The following MARCHF1 variants were observed in gnomAD, a reference collection of about 807,000 sequenced individuals.
MARCHF1 encodes the protein E3 ubiquitin-protein ligase MARCHF1.
A neutral mutation model predicts 54.2 loss-of-function variants in MARCHF1; 40 were observed. The ratio of observed to expected loss-of-function variants is 0.74; its 90% CI spans 0.57 to 0.96. The LOEUF is 0.96. MARCHF1 is among the 40% of genes least tolerant of loss of function. The probability of loss-of-function intolerance (pLI) is 0.00; values close to 1 mark genes in which losing one functional copy is unlikely to be tolerated. For synonymous variants in MARCHF1, 236 were observed against 236.3 expected (o/e 1.00, Z 0.01); for missense variants, 586 against 656.5 (o/e 0.89, Z 1.17).
intron 1 of MARCHF1, among the ~76,000 whole-genome samples, chr4:164,289,355 T>A (rs1466287218): frequency 6.6e-6 from 1 of 152,032 alleles, no homozygotes; most frequent in Non-Finnish European, 1.5e-5. Flanking sequence ...ATTCCGTGAT[T>A]TTATAGATGG....
At chr4:164,261,206 C>T (rs1277431733) in intron 1 of MARCHF1, among the ~76,000 whole-genome samples, 1 of 152,104 alleles carries the variant, frequency 6.6e-6, no homozygotes, top group Admixed American at 6.6e-5. Context: ...GGACTTCTCA[C>T]CTCTAGAATT....
intron 3 of MARCHF1, among the ~76,000 whole-genome samples, chr4:163,896,035 T>C (rs753727742): frequency 6.6e-6 from 1 of 152,192 alleles, no homozygotes; most frequent in African/African-American, 2.4e-5. Context: ...AAAATAAAAA[T>C]GATATTCTAA....
At chr4:163,570,416 TA>T (rs1739804272) in intron 8 of MARCHF1, among the ~76,000 whole-genome samples, 1 of 152,082 alleles carries the variant, frequency 6.6e-6, no homozygotes, top group African/African-American at 2.4e-5. Flanking sequence ...GTTGAAAAAC[TA>T]GGTATTATTG....
intron 2 of MARCHF1, among the ~76,000 whole-genome samples, chr4:164,079,319 A>G (rs62349972): frequency 0.025 from 3,813 of 152,330 alleles, 79 homozygotes; most frequent in South Asian, 0.067. Flanking sequence ...AACAAAAATG[A>G]AAAAGTTTGT....
intron 1 of MARCHF1, among the ~76,000 whole-genome samples, chr4:164,318,580 C>T (rs1355374178): frequency 6.6e-6 from 1 of 152,140 alleles, no homozygotes; most frequent in African/African-American, 2.4e-5. Flanking sequence ...AATACAGAAG[C>T]AATTGCTTTG....
At chr4:164,117,241 G>C (rs938862927) in intron 1 of MARCHF1, among the ~76,000 whole-genome samples, 3 of 152,160 alleles carry the variant, frequency 2.0e-5, no homozygotes, top group East Asian at 1.9e-4. Flanking sequence ...CTGGGTGATA[G>C]AGTGATATGC....
intron 3 of MARCHF1, among the ~76,000 whole-genome samples, chr4:163,979,873 GT>G (rs1752726789): frequency 6.6e-6 from 1 of 151,816 alleles, no homozygotes. Flanking sequence ...GGGGTTGTTT[GT>G]TTTTTTCTTG....
chr4:163,877,218 A>T (rs779940432), intron 3 of MARCHF1, among the ~76,000 whole-genome samples: 12 of 152,122 alleles, frequency 7.9e-5, no homozygotes, highest in Non-Finnish European at 1.6e-4. Flanking sequence ...TTTCATCCCT[A>T]CTGAAAAGTT....
intron 8 of MARCHF1, among the ~76,000 whole-genome samples, chr4:163,546,654 C>T (rs1738918162): frequency 6.6e-6 from 1 of 152,186 alleles, no homozygotes; most frequent in African/African-American, 2.4e-5. Flanking sequence ...ACTAGAAAAT[C>T]TGCTGAAGCC....
At chr4:163,980,719 A>G (rs9992278) in intron 3 of MARCHF1, among the ~76,000 whole-genome samples, 17,490 of 152,190 alleles carry the variant, frequency 0.11, 2,317 homozygotes, top group East Asian at 0.34. Context: ...AATGAACTGT[A>G]GTAGTAGTTT....
intron 4 of MARCHF1, among the ~76,000 whole-genome samples, chr4:163,731,099 CATTA>C (rs1745815243): frequency 6.6e-6 from 1 of 152,046 alleles, no homozygotes; most frequent in Non-Finnish European, 1.5e-5. Context: ...CTCTGATAAA[CATTA>C]ATTATTTTCA....
At chr4:163,552,390 G>A (rs1247145561) in intron 8 of MARCHF1, among the ~76,000 whole-genome samples, 1 of 152,182 alleles carries the variant, frequency 6.6e-6, no homozygotes, top group Non-Finnish European at 1.5e-5. Flanking sequence ...AGAATCGGGG[G>A]AAGTAGTTAA....
At chr4:164,211,357 C>CTATAT (rs1560956008) in intron 1 of MARCHF1, among the ~76,000 whole-genome samples, 2,819 of 100,090 alleles carry the variant, frequency 0.028, 52 homozygotes, top group South Asian at 0.061. Flanking sequence ...ATATATATAC[C>CTATAT]ACATTGCAAC....
chr4:163,968,247 C>G (rs949400602), intron 3 of MARCHF1, among the ~76,000 whole-genome samples: 1 of 151,276 alleles, frequency 6.6e-6, no homozygotes, highest in Non-Finnish European at 1.5e-5. Context: ...TACTAAAGTA[C>G]CCAGGAGAAA....
intron 2 of MARCHF1, among the ~76,000 whole-genome samples, chr4:163,995,269 G>C (rs1454852086): frequency 6.6e-6 from 1 of 152,082 alleles, no homozygotes; most frequent in Non-Finnish European, 1.5e-5. Flanking sequence ...TACAGATGAA[G>C]AGATGCATAG....
At chr4:164,358,241 G>A (rs1427154222) in intron 1 of MARCHF1, among the ~76,000 whole-genome samples, 2 of 152,140 alleles carry the variant, frequency 1.3e-5, no homozygotes, top group Non-Finnish European at 2.9e-5. Flanking sequence ...ATGTGTACCA[G>A]GAGGCCACAG....
At chr4:163,992,118 T>A (rs11736133) in intron 2 of MARCHF1, among the ~76,000 whole-genome samples, 59,390 of 141,680 alleles carry the variant, frequency 0.42, 13,363 homozygotes, top group Non-Finnish European at 0.51. Context: ...TTGATCGCAA[T>A]TAATCAAGAA....
chr4:163,819,584 T>C (rs1748635689), intron 4 of MARCHF1, among the ~76,000 whole-genome samples: 1 of 152,088 alleles, frequency 6.6e-6, no homozygotes, highest in South Asian at 2.1e-4. Context: ...TCAAGCCTCA[T>C]CAAATTTCTG....
chr4:164,101,243 A>C (rs1428335792), intron 2 of MARCHF1, among the ~76,000 whole-genome samples: 1 of 152,092 alleles, frequency 6.6e-6, no homozygotes, highest in Non-Finnish European at 1.5e-5. Context: ...TGGAAGCTCA[A>C]ACTGGGTGGA....
Sources: allele counts gnomAD v4.1 joint callset (sites outside exome capture counted in the v4.1 genomes callset), GRCh38; gene constraint gnomAD v4.1.1; transcripts MANE v1.5; gene names NCBI Gene and HGNC (gene_info 2026-07-23, HGNC 2026-07-21).